Variants in SEC24B observed in about 807,000 individuals in gnomAD.
The protein encoded by SEC24B is protein transport protein Sec24B.
Under a neutral mutation model 142.8 loss-of-function variants are expected in SEC24B, and 45 were observed. That is an observed-to-expected ratio of 0.32 (90% CI 0.25 to 0.40). The LOEUF is 0.40. Ranked by LOEUF, SEC24B falls within the 10% of genes least tolerant of loss-of-function variation. SEC24B has a pLI of 1.00. For missense variants in SEC24B, 1,409 were observed against 1,526.8 expected (o/e 0.92, Z 1.29); for synonymous variants, 574 against 568.2 (o/e 1.01, Z -0.15).
At position 109,526,334 on chromosome 4, in the gene SEC24B, A is replaced by G. The variant is rs1356060128; in HGVS notation, c.2900A>G (p.Glu967Gly). ...DAGFAVQLSI[E>G]ESLTDTSLVC... ...GGATTTGCGGTGCAGTTGTCAATTG[A>G]AGAAAGTTTAACAGATACTTCCTTA... Residue 967 changes from glutamate to glycine, a missense_variant, in exon 17 of 24, where the codon GAA (glutamate) becomes GGA (glycine). Physicochemically the swap from Glu to Gly is moderately conservative, Grantham distance 98. This residue lies in a region of SEC24B where 700 missense variants were observed against 853.3 expected (regional missense o/e 0.82). Coordinates refer to ENST00000265175, the MANE Select transcript of SEC24B (RefSeq NM_006323.5). 60 of 1,613,864 alleles carry G rather than the reference A, an allele frequency of 3.7e-5. No individual in the cohort carries two copies. Among genetic ancestry groups the G allele is most frequent in the Non-Finnish European group, 4.9e-5 (58 of 1,179,920 alleles).
In SEC24B at chr4:109,463,338, G is replaced by T. The variant is rs1400000427; in HGVS notation, c.571G>T (p.Ala191Ser). 2 of 1,614,026 alleles carry T rather than the reference G, an allele frequency of 1.2e-6. No homozygotes were observed. Among genetic ancestry groups the T allele is most frequent in the Non-Finnish European group, 1.7e-6 (2 of 1,180,040 alleles). ...TTATGCTATGTCAACTGTTTCTAAT[G>T]CCGCGTATCCTAGTGTTTCATATCC... ...GHYAMSTVSN[A>S]AYPSVSYPSL... Residue 191 changes from alanine (A) to serine (S), a missense_variant, in exon 2 of 24, where the codon GCC (alanine) becomes TCC (serine). By Grantham distance (99) the Ala-to-Ser change is moderately conservative (BLOSUM62 1). This residue lies in a region of SEC24B where 709 missense variants were observed against 673.5 expected (regional missense o/e 1.05). Coordinates refer to ENST00000265175, the MANE Select transcript of SEC24B (RefSeq NM_006323.5).
chr4:109,489,639 A>ATATAT (rs1365427516), intron 4 of SEC24B, among the ~76,000 whole-genome samples: 33 of 141,410 alleles, frequency 2.3e-4, no homozygotes, highest in African/African-American at 8.6e-4. Context: ...TATGGTATAT[A>ATATAT]TATGATATAT....
intron 11 of SEC24B, among the ~76,000 whole-genome samples, chr4:109,518,721 C>CT (rs1723250400): frequency 6.6e-6 from 1 of 151,686 alleles, no homozygotes; most frequent in South Asian, 2.1e-4. Flanking sequence ...TCAAAAATAG[C>CT]TTTAACAGTG....
At chr4:109,514,527 T>C (rs372081644) in intron 10 of SEC24B, among the ~76,000 whole-genome samples, 2 of 152,270 alleles carry the variant, frequency 1.3e-5, no homozygotes, top group African/African-American at 2.4e-5. Context: ...GGTGAAACCC[T>C]GTCTCTACTT....
intron 19 of SEC24B, among the ~76,000 whole-genome samples, chr4:109,531,080 A>AT (rs757442231): frequency 3.3e-5 from 5 of 152,134 alleles, no homozygotes; most frequent in African/African-American, 4.8e-5. Flanking sequence ...ACAGGAACTA[A>AT]TATTAAGCAT....
chr4:109,537,930 AG>A (rs1196138406), intron 22 of SEC24B, among the ~76,000 whole-genome samples: 43 of 152,314 alleles, frequency 2.8e-4, no homozygotes, highest in African/African-American at 7.9e-4. Context: ...GCTTTGAAAA[AG>A]GAAAGTAAAT....
At chr4:109,489,977 G>A (rs571293623) in intron 4 of SEC24B, among the ~76,000 whole-genome samples, 3 of 151,990 alleles carry the variant, frequency 2.0e-5, no homozygotes, top group East Asian at 3.9e-4. Flanking sequence ...GTGCAAAATT[G>A]TTCTACTTAT....
In SEC24B at chr4:109,515,643, A is replaced by G. The variant is rs575099323; in HGVS notation, c.2014-885A>G. ...TGCACCTGGCCTATTTCAACTTTAT[A>G]TAACAGCAGTTTTCACACGTACTCC... On this transcript the variant is annotated intron_variant, in intron 10 of 23. Transcript: ENST00000265175. Among the ~76,000 whole-genome samples, 21 of 152,264 alleles carry G rather than the reference A, an allele frequency of 1.4e-4. 1 individual carries two copies. Among genetic ancestry groups the G allele is most frequent in the East Asian group, 5.8e-4 (3 of 5,174 alleles).
intron 3 of SEC24B, among the ~76,000 whole-genome samples, chr4:109,476,920 G>A (rs1215343101): frequency 6.6e-6 from 1 of 151,720 alleles, no homozygotes; most frequent in Non-Finnish European, 1.5e-5. Flanking sequence ...GGCGGATCAC[G>A]AGGTCAGGAG....
intron 4 of SEC24B, among the ~76,000 whole-genome samples, chr4:109,487,012 A>G (rs1417542251): frequency 6.6e-6 from 1 of 151,972 alleles, no homozygotes; most frequent in Non-Finnish European, 1.5e-5. Context: ...TAAAAATACA[A>G]AGATTAGCCG....
intron 2 of SEC24B, among the ~76,000 whole-genome samples, chr4:109,468,674 G>A (rs1732208505): frequency 6.6e-6 from 1 of 152,130 alleles, no homozygotes; most frequent in Non-Finnish European, 1.5e-5. Flanking sequence ...CAATTATCTA[G>A]GTGAAGGATG....
intron 3 of SEC24B, among the ~76,000 whole-genome samples, chr4:109,476,449 G>A (rs1224117721): frequency 6.7e-6 from 1 of 148,236 alleles, no homozygotes; most frequent in African/African-American, 2.6e-5. Flanking sequence ...AGTTGAATAT[G>A]ATTCATTGTT....
chr4:109,526,122 CT>C, intron 16 of SEC24B, 103 bp from the exon 17 acceptor site: 1 of 1,119,598 alleles, frequency 8.9e-7, no homozygotes. Flanking sequence ...CCCAGTTATC[CT>C]TTTGATTCAA....
intron 4 of SEC24B, among the ~76,000 whole-genome samples, chr4:109,482,979 T>TATATATATACACACACAC (rs781527364): frequency 1.5e-4 from 4 of 26,412 alleles, no homozygotes; most frequent in Non-Finnish European, 2.3e-4. Flanking sequence ...TATATATATA[T>TATATATATACACACACAC]ACACACACAC....
intron 4 of SEC24B, among the ~76,000 whole-genome samples, chr4:109,487,824 A>G (rs1230948077): frequency 6.6e-6 from 1 of 152,230 alleles, no homozygotes; most frequent in African/African-American, 2.4e-5. Context: ...TTTAAAGTAA[A>G]CTAGCAGATT....
chr4:109,459,655 C>G (rs1031433051), intron 1 of SEC24B, among the ~76,000 whole-genome samples: 38 of 152,100 alleles, frequency 2.5e-4, no homozygotes, highest in African/African-American at 8.9e-4. Context: ...AGTAAATAGA[C>G]TTATTCTGGT....
At chr4:109,458,008 C>T (rs781372440) in intron 1 of SEC24B, among the ~76,000 whole-genome samples, 4 of 152,070 alleles carry the variant, frequency 2.6e-5, no homozygotes, top group Admixed American at 2.0e-4. Flanking sequence ...CTCTTTAGCC[C>T]ACTACATGCT....
At chr4:109,479,509 T>C (rs1299376339) in intron 3 of SEC24B, among the ~76,000 whole-genome samples, 1 of 152,214 alleles carries the variant, frequency 6.6e-6, no homozygotes, top group Non-Finnish European at 1.5e-5. Context: ...ATGACTTGGC[T>C]ATCAACCCCT....
intron 5 of SEC24B, among the ~76,000 whole-genome samples, chr4:109,493,654 A>T (rs553148682): frequency 6.7e-6 from 1 of 149,374 alleles, no homozygotes; most frequent in Admixed American, 6.7e-5. Flanking sequence ...TTTGAGACAG[A>T]GTCTCGCCCT....
Sources: allele counts gnomAD v4.1 joint callset (sites outside exome capture counted in the v4.1 genomes callset), GRCh38; gene constraint gnomAD v4.1.1; regional missense constraint gnomAD v4.1.1; transcripts MANE v1.5; gene names NCBI Gene and HGNC (gene_info 2026-07-23, HGNC 2026-07-21).